ST8SIA6: variants seen among roughly 807,000 people sequenced by gnomAD.
ST8SIA6 encodes the protein alpha-2,8-sialyltransferase 8F.
In ST8SIA6, 39 loss-of-function variants were observed where a neutral mutation model predicts 33.6. The ratio of observed to expected loss-of-function variants is 1.16; its 90% CI spans 0.90 to 1.52. The LOEUF is 1.52. Ranked by LOEUF, ST8SIA6 falls within the 40% of genes most tolerant of loss-of-function variation. The pLI is 0.00. For missense variants in ST8SIA6, 441 were observed against 443.8 expected (o/e 0.99, Z 0.06); for synonymous variants, 172 against 167.2 (o/e 1.03, Z -0.22).
At chr10:17,405,852 T>C (rs1413365427) in intron 2 of ST8SIA6, among the ~76,000 whole-genome samples, 1 of 137,164 alleles carries the variant, frequency 7.3e-6, no homozygotes, top group Non-Finnish European at 1.5e-5. Flanking sequence ...ATCATTGCAC[T>C]CCAGCCTGGG....
At chr10:17,410,058 A>G (rs1303347783) in intron 2 of ST8SIA6, 1 of 152,214 alleles carries the variant, frequency 6.6e-6, no homozygotes, top group South Asian at 2.1e-4. Flanking sequence ...TAGTTGTCAG[A>G]CACATGTGAG....
intron 3 of ST8SIA6, among the ~76,000 whole-genome samples, chr10:17,371,591 C>G (rs529389599): frequency 3.9e-4 from 59 of 151,708 alleles, no homozygotes; most frequent in Non-Finnish European, 7.7e-4. Flanking sequence ...TTGACACCAG[C>G]CTAGCCAACA....
rs1456656034 is a variant in ST8SIA6 at position 17,453,574 on chromosome 10, G to T, written c.185C>A (p.Pro62Gln). The T allele has an allele frequency of 9.1e-6, 12 of 1,322,516 alleles. No homozygotes were observed. The highest frequency in any genetic ancestry group is 1.1e-5 in the Non-Finnish European group (11 of 1,028,782). The allele number at this position is 1,322,516 out of a possible 1,614,324, so 81.9% of individuals were successfully genotyped here. A position where few individuals can be genotyped will look rare whatever the true frequency, so the allele number is the denominator to read the frequency against. ...RTLRSPATAVPRATNSTYLNE... is the reference protein window; with the variant it reads ...RTLRSPATAVQRATNSTYLNE... Reference sequence around the variant, plus strand: ...GCCGCTGTACCTGTTAGTGGCGCGCGGTACCGCGGTCGCCGGGCTCCGGAG... The same window carrying T: ...GCCGCTGTACCTGTTAGTGGCGCGCTGTACCGCGGTCGCCGGGCTCCGGAG... The change falls in exon 2 of 8, where the codon CCG (proline) becomes CAG (glutamine). Residue 62 changes from proline (P) to glutamine (Q), a missense_variant. Pro to Gln is a moderately conservative substitution (Grantham distance 76). Transcript: ENST00000377602.
intron 2 of ST8SIA6, among the ~76,000 whole-genome samples, chr10:17,437,836 T>G (rs1852334842): frequency 6.6e-6 from 1 of 151,954 alleles, no homozygotes; most frequent in Non-Finnish European, 1.5e-5. Flanking sequence ...GTTCAGGCGA[T>G]TCTTCTGCCT....
At chr10:17,449,782 T>C (rs1009261298) in intron 2 of ST8SIA6, among the ~76,000 whole-genome samples, 14 of 152,146 alleles carry the variant, frequency 9.2e-5, no homozygotes, top group African/African-American at 3.4e-4. Flanking sequence ...TTTCTGGAAC[T>C]GAGTCAGTAG....
intron 4 of ST8SIA6, among the ~76,000 whole-genome samples, chr10:17,355,699 A>G (rs986685695): frequency 2.0e-5 from 3 of 152,322 alleles, no homozygotes; most frequent in East Asian, 3.9e-4. Context: ...AGTAAATTCA[A>G]TTTGTAATTC....
chr10:17,420,677 T>G (rs1851754991), intron 2 of ST8SIA6, among the ~76,000 whole-genome samples: 1 of 152,194 alleles, frequency 6.6e-6, no homozygotes, highest in Admixed American at 6.5e-5. Flanking sequence ...TGTCTGCTGA[T>G]GGCCCACACT....
At chr10:17,394,356 G>GAAA (rs546106601) in intron 2 of ST8SIA6, among the ~76,000 whole-genome samples, 20 of 109,504 alleles carry the variant, frequency 1.8e-4, no homozygotes, top group African/African-American at 2.0e-4. Flanking sequence ...TTGCCTTTAA[G>GAAA]AAAAAAAAAA....
intron 3 of ST8SIA6, among the ~76,000 whole-genome samples, chr10:17,386,623 T>G (rs76977755): frequency 6.6e-6 from 1 of 152,164 alleles, no homozygotes; most frequent in Admixed American, 6.5e-5. Context: ...GCTCTTGTAT[T>G]GGTTCGAACC....
At chr10:17,434,235 A>G (rs1212608758) in intron 2 of ST8SIA6, among the ~76,000 whole-genome samples, 1 of 152,192 alleles carries the variant, frequency 6.6e-6, no homozygotes, top group Admixed American at 6.5e-5. Context: ...ACTCCGGCTG[A>G]CCAGGGCAGA....
chr10:17,338,147 G>T (rs548405904), intron 4 of ST8SIA6, among the ~76,000 whole-genome samples: 2 of 149,058 alleles, frequency 1.3e-5, no homozygotes, highest in African/African-American at 4.9e-5. Flanking sequence ...TGATTCTCCT[G>T]CCTCAGCCTC....
chr10:17,434,238 A>G (rs1852185186), intron 2 of ST8SIA6, among the ~76,000 whole-genome samples: 1 of 152,214 alleles, frequency 6.6e-6, no homozygotes, highest in Non-Finnish European at 1.5e-5. Flanking sequence ...CCGGCTGACC[A>G]GGGCAGAGTC....
chr10:17,439,307 CCTCT>C (rs1852390201), intron 2 of ST8SIA6, among the ~76,000 whole-genome samples: 1 of 145,910 alleles, frequency 6.9e-6, no homozygotes, highest in Non-Finnish European at 1.5e-5. Context: ...GGGGATGGAG[CCTCT>C]CTCTGTCACC....
intron 2 of ST8SIA6, among the ~76,000 whole-genome samples, chr10:17,399,488 A>C (rs761543856): frequency 8.5e-5 from 13 of 152,236 alleles, no homozygotes; most frequent in Non-Finnish European, 1.3e-4. Flanking sequence ...AAATGTCTGC[A>C]AATAGTATCT....
chr10:17,379,209 A>ATAG (rs1034697205), intron 3 of ST8SIA6, among the ~76,000 whole-genome samples: 15 of 151,878 alleles, frequency 9.9e-5, no homozygotes, highest in African/African-American at 3.6e-4. Context: ...TACAGGTACA[A>ATAG]TAGTAGGGGA....
chr10:17,405,743 G>A (rs1031752272), intron 2 of ST8SIA6, among the ~76,000 whole-genome samples: 3 of 151,602 alleles, frequency 2.0e-5, no homozygotes, highest in Admixed American at 6.6e-5. Flanking sequence ...TTAGCCGGGC[G>A]TGGTAGTGGG....
At chr10:17,323,804 T>C (rs1848041392) in intron 6 of ST8SIA6, among the ~76,000 whole-genome samples, 1 of 152,228 alleles carries the variant, frequency 6.6e-6, no homozygotes, top group African/African-American at 2.4e-5. Flanking sequence ...TTTATTAAAA[T>C]TGTTATTTAT....
intron 2 of ST8SIA6, among the ~76,000 whole-genome samples, chr10:17,433,845 A>G (rs1414717220): frequency 6.6e-6 from 1 of 152,040 alleles, no homozygotes; most frequent in Admixed American, 6.6e-5. Flanking sequence ...TAGCCCCCCT[A>G]TCTACTTTTC....
chr10:17,453,138 A>G (rs1375661133), intron 2 of ST8SIA6, among the ~76,000 whole-genome samples: 2 of 152,044 alleles, frequency 1.3e-5, no homozygotes, highest in African/African-American at 2.4e-5. Flanking sequence ...CCTAGCACGC[A>G]AAACAAACCT....
Sources: allele counts gnomAD v4.1 joint callset (sites outside exome capture counted in the v4.1 genomes callset), GRCh38; gene constraint gnomAD v4.1.1; transcripts MANE v1.5; gene names NCBI Gene and HGNC (gene_info 2026-07-23, HGNC 2026-07-21).